The following DCTN1 variants were observed in gnomAD, a reference collection of about 807,000 sequenced individuals.
DCTN1 encodes the protein dynactin subunit 1, also known as 150 kDa dynein-associated polypeptide.
A neutral mutation model predicts 161.2 loss-of-function variants in DCTN1; 61 were observed. The observed-to-expected ratio is 0.38, with a 90% CI of 0.31 to 0.47. The LOEUF (loss-of-function observed/expected upper bound fraction) is 0.47. Among genes scored for constraint, DCTN1 ranks in the 20% least tolerant of loss-of-function variants. The pLI, the probability that DCTN1 is intolerant of heterozygous loss-of-function variation, is 0.99. For missense variants in DCTN1, 1,404 were observed against 1,623.7 expected, an observed-to-expected ratio of 0.86 and a Z score of 2.33; for synonymous variants, 653 against 632.4, an observed-to-expected ratio of 1.03 and a Z score of -0.49.
chr2:74,372,423 G>A (rs770191832), intron 7 of DCTN1, among the ~76,000 whole-genome samples: 2 of 152,244 alleles, frequency 1.3e-5, no homozygotes, highest in Non-Finnish European at 1.5e-5. Flanking sequence ...AAGGTGGGCA[G>A]AGGAGCTGAC....
At chr2:74,374,262 G>A in intron 6 of DCTN1, 61 bp downstream of exon 6, 3 of 706,760 alleles carry the variant, frequency 4.2e-6, no homozygotes, top group South Asian at 1.4e-5. Context: ...CCCCACCCCA[G>A]CAGCCTGCTG....
At chr2:74,382,896 C>A (rs1174386343), upstream of DCTN1, among the ~76,000 whole-genome samples, 1 of 151,460 alleles carries the variant, frequency 6.6e-6, no homozygotes, top group Non-Finnish European at 1.5e-5. Flanking sequence ...CAAGGTGAAA[C>A]CCTGTCTCTA....
At position 74,368,043 on chromosome 2, in the gene DCTN1, TCCC is replaced by T; in HGVS notation, c.1940_1942del (p.Gly647del). 1.2e-6 allele frequency: 2 copies of T among 1,614,008 alleles called. No individual in the cohort carries two copies. The highest frequency in any genetic ancestry group is 1.1e-5 in the South Asian group (1 of 91,056). On this transcript the variant is annotated inframe_deletion, in exon 17 of 32. Transcript: ENST00000628224. ...CAGTCCAGCAGCAAAGCTGAGTTGC[TCCC>T]CAGCAGCTCCTCGCAGCCCAGGCCG...
intron 29 of DCTN1, 94 bp downstream of exon 29, chr2:74,362,900 T>C: frequency 6.9e-7 from 1 of 1,449,082 alleles, no homozygotes; most frequent in Non-Finnish European, 9.5e-7. Flanking sequence ...TGGGAAGAGC[T>C]TCTGTGGTGG....
At position 74,368,722 on chromosome 2, in the gene DCTN1, C is replaced by G; in HGVS notation, c.1854+6G>C. 6.2e-7 allele frequency: 1 copy of G among 1,614,222 alleles called. No individual in the cohort carries two copies. ...TTCTGTGGAACATGTGATTGATTGG[C>G]CATACCTTGCAAATGAGACGAGGCA... On this transcript the variant is annotated splice_donor_region_variant and intron_variant, in intron 16 of 31. Coordinates refer to ENST00000628224, the MANE Select transcript of DCTN1 (RefSeq NM_004082.5).
Position 74,374,305 on chromosome 2 carries a change from G to T in DCTN1, c.432+18C>A, listed in dbSNP as rs201820150. 29 of 1,591,104 alleles carry T rather than the reference G, an allele frequency of 1.8e-5. No individual in the cohort carries two copies. The East Asian group carries it at 3.9e-4, about 22-fold the overall frequency. ...TGCCCTGGCAACCCAGCAGCAGGACGAGAGCAAGCAAGAGTACCTTTCGGG... is the reference window on the plus strand; with the variant it reads ...TGCCCTGGCAACCCAGCAGCAGGACTAGAGCAAGCAAGAGTACCTTTCGGG... On this transcript the variant is annotated intron_variant, in intron 6 of 31. Transcript: ENST00000628224.
At chr2:74,367,137 C>T in intron 19 of DCTN1, 30 bp from the exon 20 acceptor site, 1 of 1,613,356 alleles carries the variant, frequency 6.2e-7, no homozygotes. Context: ...CAATCATCAG[C>T]CCCCAGCAGG....
chr2:74,377,196 C>T (rs575186969), intron 4 of DCTN1, among the ~76,000 whole-genome samples: 1 of 152,222 alleles, frequency 6.6e-6, no homozygotes, highest in Non-Finnish European at 1.5e-5. Context: ...TCACCCTCAG[C>T]TCAATCTCAT....
chr2:74,361,594 C>T lies in DCTN1; in HGVS notation c.3742G>A (p.Val1248Met), dbSNP rs752784218. ...QQDDTVYMGK[V>M]TFSCAAGFGQ... ...AAACCAGCCGCACATGAGAAGGTCA[C>T]TTTGCCCATGTAGACTGTGTCATCC... The change falls in exon 32 of 32, where the codon GTG becomes ATG. Residue 1248 changes from valine (V) to methionine (M), a missense_variant. Around this residue, in one of 9 missense-constraint regions of DCTN1, gnomAD observed 311 missense variants for 298.9 expected, o/e 1.04. Transcript: ENST00000628224. 3.7e-6 allele frequency: 6 copies of T among 1,614,008 alleles called. No individual in the cohort carries two copies. Among genetic ancestry groups the T allele is most frequent in the Non-Finnish European group, 5.1e-6 (6 of 1,180,032 alleles).
rs1309456422 is a variant in DCTN1 at position 74,368,112 on chromosome 2, T to C, written c.1874A>G (p.Gln625Arg). Residue 625 changes from glutamine (Q) to arginine (R), a missense_variant, in exon 17 of 32, where the codon CAG becomes CGG. Physicochemically the swap from Gln to Arg is conservative, Grantham distance 43. This residue lies in a region of DCTN1 where 475 missense variants were observed against 489.8 expected (regional missense o/e 0.97). Coordinates refer to ENST00000628224, the MANE Select transcript of DCTN1 (RefSeq NM_004082.5). ...LICKAELIRKQAQEKFELSEN... is the reference protein window; with the variant it reads ...LICKAELIRKRAQEKFELSEN... ...ACTTAGTTCAAACTTCTCCTGGGCC[T>C]GCTTCCGGATCAGCTCTGCCTGTGG... The C allele has an allele frequency of 6.3e-7, 1 of 1,593,554 alleles. No individual in the cohort carries two copies. The highest frequency in any genetic ancestry group is 1.8e-5 in the Admixed American group (1 of 56,940).
chr2:74,363,699 G>A (rs190451313), intron 26 of DCTN1, 71 bp from the exon 27 acceptor site: 3 of 1,595,286 alleles, frequency 1.9e-6, no homozygotes, highest in East Asian at 4.5e-5. Flanking sequence ...GGGGTTACGG[G>A]GACACACCAG....
In DCTN1 at chr2:74,372,936, G is replaced by A; in HGVS notation, c.445C>T (p.Arg149Ter). ...GGGGCCTGTTTTCTCACCTTGGGTC[G>A]CCGAGTTGTGGTCTGGACAGGCAAC... Reference protein sequence around the residue: ...APTARKTTTRRPKPTRPASTG... With the variant: ...APTARKTTTR The change falls in exon 7 of 32, where the codon CGA becomes TGA. Residue 149 changes from arginine (R) to a stop codon, truncating the protein, a stop_gained. Transcript: ENST00000628224. LOFTEE classifies it high-confidence loss of function. 6 of 1,614,018 alleles carry A rather than the reference G, an allele frequency of 3.7e-6. No homozygotes were observed. The highest frequency in any genetic ancestry group is 4.2e-6 in the Non-Finnish European group (5 of 1,179,972).
upstream of DCTN1, chr2:74,383,936 A>G (rs1371623171): frequency 6.6e-6 from 1 of 152,258 alleles, no homozygotes; most frequent in African/African-American, 2.4e-5. Flanking sequence ...CATTATTTTA[A>G]GGGAATATCC....
rs1674599756 is a variant in DCTN1, at chr2:74,368,629, T to C, written c.1854+99A>G. The C allele has an allele frequency of 1.9e-6, 3 of 1,545,232 alleles. No homozygotes were observed. In the African/African-American group the frequency reaches 4.1e-5, roughly 21 times the overall value. On this transcript the variant is annotated intron_variant, in intron 16 of 31. Coordinates refer to ENST00000628224, the MANE Select transcript of DCTN1 (RefSeq NM_004082.5). The stretch of plus-strand genomic sequence containing the variant: ...TTCCTCCACTATACCATAAACTCTT[T>C]GTGGGCAGAGACTCTGTTGTCTTCA...
intron 1 of DCTN1, among the ~76,000 whole-genome samples, chr2:74,390,169 T>C: frequency 6.6e-6 from 1 of 152,200 alleles, no homozygotes; most frequent in East Asian, 1.9e-4. Context: ...CAAAGACAAA[T>C]TTAAGAAAGG....
At chr2:74,364,863 T>C (rs1367704918) in intron 26 of DCTN1, 5 of 621,668 alleles carry the variant, frequency 8.0e-6, no homozygotes, top group Admixed American at 5.2e-5. Flanking sequence ...ATTAACAATT[T>C]AGTAATGCCC....
In DCTN1 at chr2:74,369,164, T is replaced by C; in HGVS notation, c.1635A>G (p.Gln545=). 1.9e-6 allele frequency: 3 copies of C among 1,614,256 alleles called. No individual in the cohort carries two copies. The highest frequency in any genetic ancestry group is 1.7e-6 in the Non-Finnish European group (2 of 1,180,048). The change falls in exon 15 of 32, where the codon CAA becomes CAG. Residue 545 remains glutamine, a synonymous_variant. Transcript: ENST00000628224. The surrounding 1 kb of genome is among the most constrained non-coding windows in gnomAD (Gnocchi z 4.9). The part of the protein sequence containing the change: ...TNQQEASVER[Q]QQPPPETFDF... ...CAAAGGTCTCTGGAGGTGGCTGCTGTTGCCTCTCCACAGATGCTTCCTGCT... is the reference window on the plus strand; with the variant it reads ...CAAAGGTCTCTGGAGGTGGCTGCTGCTGCCTCTCCACAGATGCTTCCTGCT...
chr2:74,372,179 G>T (rs1057391790), intron 7 of DCTN1: 4 of 191,618 alleles, frequency 2.1e-5, no homozygotes, highest in Admixed American at 5.3e-5. Context: ...GACGGAAAAA[G>T]TACAATCTAA....
rs1674042807 is a variant in DCTN1 at position 74,362,100 on chromosome 2, G to A, written c.3651C>T (p.Ala1217=). 1 of 1,613,712 alleles carries A rather than the reference G, an allele frequency of 6.2e-7. No individual in the cohort carries two copies. ...AGGTGGCAAAGTCAGTGGGTACTGT[G>A]GCTCCAGGGCGCTGAGATACTGTCT... ...LKETVSQRPG[A]TVPTDFATFP... The change falls in exon 31 of 32, where the codon GCC becomes GCT. Residue 1217 remains alanine (A), a synonymous_variant. Transcript: ENST00000628224.
Sources: gnomAD v4.1 joint callset for allele counts (sites outside exome capture counted in the v4.1 genomes callset) on GRCh38, gnomAD v4.1.1 for gene constraint, gnomAD v4.1.1 regional missense constraint, Gnocchi (gnomAD v3.1) non-coding constraint, MANE v1.5 for transcripts, NCBI Gene and HGNC (gene_info 2026-07-23, HGNC 2026-07-21) for gene names.